LINGO2: variants seen among roughly 807,000 people sequenced by gnomAD.
The protein encoded by LINGO2 is leucine rich repeat and Ig domain containing 2, also known as leucine-rich repeat and immunoglobulin-like domain-containing nogo receptor-interacting protein 2.
LINGO2 carries 14 observed loss-of-function variants against 30.6 expected under a neutral mutation model. The observed-to-expected ratio is 0.46, with a 90% CI of 0.30 to 0.72. LINGO2 has a LOEUF of 0.72. LINGO2 is among the 30% of genes least tolerant of loss of function. The probability of loss-of-function intolerance (pLI) is 0.07; values close to 1 mark genes in which losing one functional copy is unlikely to be tolerated. For missense variants in LINGO2, 729 were observed against 751.7 expected (o/e 0.97, Z 0.35); for synonymous variants, 317 against 288.5 (o/e 1.10, Z -1.00).
At chr9:28,171,456 C>T (rs538413217) in intron 4 of LINGO2, among the ~76,000 whole-genome samples, 43 of 152,276 alleles carry the variant, frequency 2.8e-4, no homozygotes, top group African/African-American at 9.6e-4. Context: ...TTCATCAATA[C>T]TAAAACCCCA....
chr9:28,984,025 C>T, the LINGO2 span, among the ~76,000 whole-genome samples: 2 of 151,984 alleles, frequency 1.3e-5, no homozygotes, highest in African/African-American at 4.8e-5. Context: ...GTAAGCACTC[C>T]TTTTCAGAAG....
chr9:27,963,326 C>T (rs1331175373), intron 5 of LINGO2, among the ~76,000 whole-genome samples: 2 of 152,090 alleles, frequency 1.3e-5, no homozygotes, highest in African/African-American at 4.8e-5. Flanking sequence ...TATATTTCCT[C>T]TGCAATAGGA....
chr9:28,769,290 C>T, the LINGO2 span, among the ~76,000 whole-genome samples: 2 of 150,396 alleles, frequency 1.3e-5, no homozygotes, highest in African/African-American at 4.9e-5. Flanking sequence ...AAAATGTGTT[C>T]TCTAGATTTT....
intron 4 of LINGO2, among the ~76,000 whole-genome samples, chr9:28,091,071 A>G (rs575481478): frequency 1.3e-5 from 2 of 152,348 alleles, no homozygotes; most frequent in African/African-American, 4.8e-5. Context: ...AAGAGGACAC[A>G]AACAAATGGA....
intron 1 of LINGO2, among the ~76,000 whole-genome samples, chr9:28,557,836 G>A (rs947696879): frequency 5.3e-5 from 8 of 151,816 alleles, no homozygotes; most frequent in Admixed American, 1.3e-4. Context: ...ATGAGTTCAT[G>A]TCCTTTGTAG....
intron 2 of LINGO2, among the ~76,000 whole-genome samples, chr9:28,401,686 T>A (rs1336686667): frequency 6.6e-6 from 1 of 152,288 alleles, no homozygotes; most frequent in South Asian, 2.1e-4. Context: ...GTATTTCTGG[T>A]TCTAGGTCCT....
chr9:28,845,258 T>C, the LINGO2 span, among the ~76,000 whole-genome samples: 1 of 151,882 alleles, frequency 6.6e-6, no homozygotes, highest in South Asian at 2.1e-4. Context: ...GTTATTGTTA[T>C]AATAGAATAT....
At chr9:29,009,300 A>C in the LINGO2 span, among the ~76,000 whole-genome samples, 3 of 152,214 alleles carry the variant, frequency 2.0e-5, no homozygotes, top group African/African-American at 7.2e-5. Flanking sequence ...GTCTCAGCCC[A>C]AAATCTCCTT....
chr9:28,010,342 C>G (rs1173161309), intron 5 of LINGO2, among the ~76,000 whole-genome samples: 1 of 152,146 alleles, frequency 6.6e-6, no homozygotes, highest in Non-Finnish European at 1.5e-5. Flanking sequence ...GTCAGCATGA[C>G]TCTGCCCTAA....
intron 4 of LINGO2, among the ~76,000 whole-genome samples, chr9:28,193,307 T>C (rs1383268920): frequency 1.3e-5 from 2 of 152,178 alleles, no homozygotes; most frequent in East Asian, 1.9e-4. Context: ...GTAAGATTCA[T>C]TAGAAATTTT....
intron 4 of LINGO2, among the ~76,000 whole-genome samples, chr9:28,154,953 G>T (rs1425669772): frequency 6.6e-6 from 1 of 152,174 alleles, no homozygotes; most frequent in Non-Finnish European, 1.5e-5. Flanking sequence ...AGGCAGAAGT[G>T]AAAATCATTG....
At chr9:28,046,245 C>G (rs773749744) in intron 4 of LINGO2, among the ~76,000 whole-genome samples, 5 of 152,158 alleles carry the variant, frequency 3.3e-5, no homozygotes, top group Non-Finnish European at 7.4e-5. Flanking sequence ...TACTGTGTGA[C>G]AAGAAGAAGA....
the LINGO2 span, among the ~76,000 whole-genome samples, chr9:29,122,834 G>A: frequency 3.1e-4 from 47 of 152,202 alleles, no homozygotes; most frequent in African/African-American, 1.1e-3. Context: ...ACTGTGGTAG[G>A]TCAATCAACA....
intron 1 of LINGO2, among the ~76,000 whole-genome samples, chr9:28,509,549 A>T (rs1820286783): frequency 6.6e-6 from 1 of 152,210 alleles, no homozygotes; most frequent in Non-Finnish European, 1.5e-5. Flanking sequence ...GCCCCTATCA[A>T]AATTTGTATG....
rs541626896 is a variant in LINGO2, at chr9:28,488,749, T to G, written c.-364-12724A>C. Among the ~76,000 whole-genome samples, 195 of 152,266 alleles carry G rather than the reference T, an allele frequency of 1.3e-3. 2 individuals carry two copies. Among genetic ancestry groups the G allele is most frequent in the Non-Finnish European group, 1.1e-3 (77 of 68,024 alleles). On this transcript the variant is annotated intron_variant, in intron 1 of 5. Transcript: ENST00000379992. Reference sequence around the variant, plus strand: ...CAAGTATAAAACTTCAATGAAAGATTTTTCTAGAAATAATCTCATCAGAGC... The same window carrying G: ...CAAGTATAAAACTTCAATGAAAGATGTTTCTAGAAATAATCTCATCAGAGC...
intron 5 of LINGO2, among the ~76,000 whole-genome samples, chr9:28,006,113 C>T (rs568999281): frequency 6.6e-6 from 1 of 152,032 alleles, no homozygotes; most frequent in South Asian, 2.1e-4. Flanking sequence ...ACCAGGAGAG[C>T]TTTGCTACCC....
intron 1 of LINGO2, among the ~76,000 whole-genome samples, chr9:28,558,918 A>G (rs985789761): frequency 6.6e-6 from 1 of 152,054 alleles, no homozygotes; most frequent in African/African-American, 2.4e-5. Context: ...TTTGATGATG[A>G]TTTGAATAGG....
intron 2 of LINGO2, among the ~76,000 whole-genome samples, chr9:28,379,567 A>C (rs1291962149): frequency 6.6e-6 from 1 of 152,128 alleles, no homozygotes; most frequent in Non-Finnish European, 1.5e-5. Context: ...TCCCTAATAC[A>C]GAATGGTTTA....
intron 4 of LINGO2, among the ~76,000 whole-genome samples, chr9:28,133,496 A>G (rs925030083): frequency 6.6e-6 from 1 of 152,208 alleles, no homozygotes; most frequent in Non-Finnish European, 1.5e-5. Flanking sequence ...TTAATGACAT[A>G]CAGATAGTAT....
Sources: allele counts gnomAD v4.1 joint callset (sites outside exome capture counted in the v4.1 genomes callset), GRCh38; gene constraint gnomAD v4.1.1; transcripts MANE v1.5; gene names NCBI Gene and HGNC (gene_info 2026-07-23, HGNC 2026-07-21).